The following ADAMTSL1 variants were observed in gnomAD, a reference collection of about 807,000 sequenced individuals.
ADAMTSL1 encodes ADAMTS-like protein 1.
ADAMTSL1 carries 126 observed loss-of-function variants against 201.8 expected under a neutral mutation model. That is an observed-to-expected ratio of 0.62 (90% CI 0.54 to 0.72). ADAMTSL1 has a LOEUF of 0.72. ADAMTSL1 is among the 30% of genes least tolerant of loss of function. The probability of loss-of-function intolerance (pLI) is 0.00; values close to 1 mark genes in which losing one functional copy is unlikely to be tolerated. For synonymous variants in ADAMTSL1, 1,121 were observed against 903.4 expected, an observed-to-expected ratio of 1.24 and a Z score of -4.32; for missense variants, 2,679 against 2,277.8, an observed-to-expected ratio of 1.18 and a Z score of -3.59.
At chr9:18,400,273 T>C (rs2133262933) in intron 2 of ADAMTSL1, among the ~76,000 whole-genome samples, 1 of 152,304 alleles carries the variant, frequency 6.6e-6, no homozygotes, top group East Asian at 1.9e-4. Flanking sequence ...GATCACCCTA[T>C]CATATTTCAG....
chr9:18,608,661 T>C (rs1587698771), intron 4 of ADAMTSL1, among the ~76,000 whole-genome samples: 1 of 152,122 alleles, frequency 6.6e-6, no homozygotes, highest in African/African-American at 2.4e-5. Flanking sequence ...AGTAGCCAAA[T>C]TGCTACCTCC....
intron 2 of ADAMTSL1, among the ~76,000 whole-genome samples, chr9:18,166,308 G>A (rs1827627660): frequency 6.6e-6 from 1 of 151,860 alleles, no homozygotes; most frequent in African/African-American, 2.4e-5. Context: ...ATAGAGAATA[G>A]TCGTGGTGAG....
intron 1 of ADAMTSL1, among the ~76,000 whole-genome samples, chr9:17,969,664 A>T (rs372934480): frequency 6.6e-6 from 1 of 152,066 alleles, no homozygotes; most frequent in Non-Finnish European, 1.5e-5. Flanking sequence ...GAGCTAGAAC[A>T]CCTAGTTGTA....
chr9:17,920,974 C>A (rs1319176826), intron 1 of ADAMTSL1, among the ~76,000 whole-genome samples: 2 of 152,166 alleles, frequency 1.3e-5, no homozygotes, highest in African/African-American at 4.8e-5. Context: ...TTTAAATTCA[C>A]CATGCTAGGT....
intron 1 of ADAMTSL1, among the ~76,000 whole-genome samples, chr9:18,483,810 G>C (rs1238385412): frequency 6.6e-6 from 1 of 152,156 alleles, no homozygotes; most frequent in Admixed American, 6.5e-5. Context: ...CTGGGCGACA[G>C]AGCAAGACTC....
At chr9:18,343,102 G>T (rs904542320) in intron 2 of ADAMTSL1, among the ~76,000 whole-genome samples, 1 of 151,960 alleles carries the variant, frequency 6.6e-6, no homozygotes, top group Non-Finnish European at 1.5e-5. Flanking sequence ...GAAGCAGGAG[G>T]ATTGCTTGAG....
At chr9:18,855,062 C>A (rs1159049996) in intron 23 of ADAMTSL1, among the ~76,000 whole-genome samples, 1 of 152,162 alleles carries the variant, frequency 6.6e-6, no homozygotes, top group Non-Finnish European at 1.5e-5. Context: ...TTTTGCACTT[C>A]TACTCTGTGC....
intron 26 of ADAMTSL1, among the ~76,000 whole-genome samples, chr9:18,902,530 G>C (rs79565673): frequency 1.4e-5 from 1 of 69,624 alleles, no homozygotes; most frequent in Admixed American, 1.3e-4. Context: ...AAATAACAAG[G>C]AAAATTAGAA....
At chr9:18,043,005 C>G (rs181927120) in intron 1 of ADAMTSL1, among the ~76,000 whole-genome samples, 1 of 152,250 alleles carries the variant, frequency 6.6e-6, no homozygotes, top group Admixed American at 6.5e-5. Context: ...TAAATGAAGA[C>G]TCCTTTGTAA....
chr9:17,958,001 T>C (rs1224172801), intron 1 of ADAMTSL1, among the ~76,000 whole-genome samples: 2 of 152,204 alleles, frequency 1.3e-5, no homozygotes, highest in South Asian at 2.1e-4. Flanking sequence ...GTGGTAATTG[T>C]GACAGTCATA....
chr9:17,947,004 C>T (rs914991797), intron 1 of ADAMTSL1, among the ~76,000 whole-genome samples: 17 of 151,966 alleles, frequency 1.1e-4, no homozygotes, highest in Non-Finnish European at 2.2e-4. Context: ...TTTCTAAAAT[C>T]CAACTGATGA....
chr9:18,888,695 A>G (rs954604088), intron 24 of ADAMTSL1, among the ~76,000 whole-genome samples: 2 of 152,194 alleles, frequency 1.3e-5, no homozygotes, highest in Non-Finnish European at 2.9e-5. Context: ...AGTGTTTTCC[A>G]TAGGCTTGTT....
chr9:18,673,766 A>G, intron 9 of ADAMTSL1, among the ~76,000 whole-genome samples: 1 of 152,198 alleles, frequency 6.6e-6, no homozygotes, highest in Admixed American at 6.5e-5. Context: ...CTGCATTTAG[A>G]AATTGATGTA....
rs138111978 is a variant in ADAMTSL1, at chr9:18,045,842, T to C, written c.88-118020T>C. On this transcript the variant is annotated intron_variant, in intron 1 of 29. Coordinates refer to the ADAMTSL1 transcript ENST00000680146. ...CTGTGTGACAGTGACACAACAAAGT[T>C]CCAATATATTAACATTTTCATCTCA... Among the ~76,000 whole-genome samples, 597 of 152,214 alleles carry C rather than the reference T, an allele frequency of 3.9e-3. 3 individuals carry two copies. Among genetic ancestry groups the C allele is most frequent in the African/African-American group, 0.013 (551 of 41,548 alleles).
chr9:17,959,336 T>A (rs527386844), intron 1 of ADAMTSL1, among the ~76,000 whole-genome samples: 1 of 152,340 alleles, frequency 6.6e-6, no homozygotes, highest in Non-Finnish European at 1.5e-5. Context: ...TTTTGTATGA[T>A]TAAAAGTTTA....
intron 13 of ADAMTSL1, among the ~76,000 whole-genome samples, chr9:18,706,030 A>G (rs1321881449): frequency 6.6e-6 from 1 of 152,216 alleles, no homozygotes; most frequent in African/African-American, 2.4e-5. Context: ...AAAGTAAAGG[A>G]ATAAAAGGGT....
rs140431201 is a variant in ADAMTSL1, at chr9:18,787,431, A to C, written c.3678-7966A>C. Among the ~76,000 whole-genome samples the C allele has an allele frequency of 5.0e-3, 759 of 152,222 alleles. 4 individuals carry two copies. The highest frequency in any genetic ancestry group is 0.029 in the South Asian group (138 of 4,818). On this transcript the variant is annotated intron_variant, in intron 19 of 28. Coordinates refer to ENST00000380548, the MANE Select transcript of ADAMTSL1 (RefSeq NM_001040272.6). Reference sequence around the variant, plus strand: ...GAGTCAGGCACTATCTATTCCCTGAAATGCTAGGGGATCTCCAGAGATCCC... The same window carrying C: ...GAGTCAGGCACTATCTATTCCCTGACATGCTAGGGGATCTCCAGAGATCCC...
At chr9:18,698,737 G>A (rs1183202211) in intron 13 of ADAMTSL1, among the ~76,000 whole-genome samples, 1 of 152,190 alleles carries the variant, frequency 6.6e-6, no homozygotes, top group African/African-American at 2.4e-5. Flanking sequence ...GTACTTGCAA[G>A]CAATGGTCAA....
intron 2 of ADAMTSL1, among the ~76,000 whole-genome samples, chr9:18,181,642 T>C (rs1305179153): frequency 6.6e-6 from 1 of 151,940 alleles, no homozygotes; most frequent in East Asian, 1.9e-4. Context: ...AAACAACAGG[T>C]GCTGGAGAGG....
Sources: allele counts gnomAD v4.1 joint callset (sites outside exome capture counted in the v4.1 genomes callset), GRCh38; gene constraint gnomAD v4.1.1; transcripts MANE v1.5; gene names NCBI Gene and HGNC (gene_info 2026-07-23, HGNC 2026-07-21).